The following TANC1 variants were observed in gnomAD, a reference collection of about 807,000 sequenced individuals.
TANC1 encodes the protein protein TANC1.
In TANC1, 77 loss-of-function variants were observed where a neutral mutation model predicts 149.7. The ratio of observed to expected loss-of-function variants is 0.51; its 90% CI spans 0.43 to 0.62. TANC1 has a LOEUF of 0.62. Ranked by LOEUF, TANC1 falls within the 20% of genes least tolerant of loss-of-function variation. The pLI is 0.00. For missense variants in TANC1, 1,985 were observed against 2,321.8 expected (o/e 0.85, Z 2.98); for synonymous variants, 854 against 925.0 (o/e 0.92, Z 1.39).
At chr2:158,989,941 A>C (rs975553253) in intron 1 of TANC1, among the ~76,000 whole-genome samples, 1 of 148,194 alleles carries the variant, frequency 6.7e-6, no homozygotes, top group African/African-American at 2.5e-5. Flanking sequence ...TTGGAGACGG[A>C]TTCTCGCACT....
chr2:159,224,539 G>A (rs941226168), intron 23 of TANC1, 175 bp downstream of exon 23: 14 of 721,518 alleles, frequency 1.9e-5, no homozygotes, highest in Non-Finnish European at 3.1e-5. Context: ...AGTAGCTCAC[G>A]GTGTTTCTGC....
At chr2:159,022,337 G>C in intron 2 of TANC1, among the ~76,000 whole-genome samples, 1 of 152,222 alleles carries the variant, frequency 6.6e-6, no homozygotes, top group Non-Finnish European at 1.5e-5. Context: ...CAGCGTGTAT[G>C]CACCTTTTTC....
chr2:159,218,311 C>A (rs2150922010), intron 20 of TANC1, among the ~76,000 whole-genome samples: 1 of 152,320 alleles, frequency 6.6e-6, no homozygotes, highest in Admixed American at 6.5e-5. Flanking sequence ...TGCTGGCTCC[C>A]TTGGTAGGAG....
intron 2 of TANC1, among the ~76,000 whole-genome samples, chr2:159,027,518 C>G (rs1025180392): frequency 6.6e-6 from 1 of 152,200 alleles, no homozygotes; most frequent in Admixed American, 6.5e-5. Context: ...TGGCCACCAC[C>G]ACTTAAGCAA....
chr2:159,011,159 A>G (rs2037715502), intron 2 of TANC1, among the ~76,000 whole-genome samples: 1 of 152,212 alleles, frequency 6.6e-6, no homozygotes, highest in Admixed American at 6.5e-5. Context: ...AAGTACTACT[A>G]GTTAGTGCTT....
intron 2 of TANC1, among the ~76,000 whole-genome samples, chr2:159,037,634 T>C (rs950656786): frequency 3.3e-5 from 5 of 152,248 alleles, no homozygotes; most frequent in Non-Finnish European, 7.3e-5. Flanking sequence ...TTCCTTGTTT[T>C]TGTCAGGTTT....
intron 2 of TANC1, among the ~76,000 whole-genome samples, chr2:159,023,514 G>T (rs1435321404): frequency 6.6e-6 from 1 of 151,654 alleles, no homozygotes; most frequent in Non-Finnish European, 1.5e-5. Flanking sequence ...GTACTTTTTT[G>T]TATTTTTGGA....
chr2:159,071,628 A>T (rs766851762), intron 3 of TANC1, among the ~76,000 whole-genome samples: 62 of 152,326 alleles, frequency 4.1e-4, no homozygotes, highest in Non-Finnish European at 6.5e-4. Context: ...ATTTTAAGCC[A>T]TTCCAGGCTG....
chr2:159,020,076 G>A (rs569498584), intron 2 of TANC1, among the ~76,000 whole-genome samples: 1 of 152,178 alleles, frequency 6.6e-6, no homozygotes, highest in East Asian at 1.9e-4. Context: ...GTTTCATTAC[G>A]GACTCCTTTG....
At chr2:159,165,663 C>G (rs1048823096) in intron 8 of TANC1, among the ~76,000 whole-genome samples, 2 of 152,222 alleles carry the variant, frequency 1.3e-5, no homozygotes, top group Non-Finnish European at 2.9e-5. Flanking sequence ...AACAGGGCAG[C>G]AGAGAACACT....
intron 4 of TANC1, among the ~76,000 whole-genome samples, chr2:159,116,285 G>T (rs1428866883): frequency 6.6e-6 from 1 of 152,014 alleles, no homozygotes; most frequent in Non-Finnish European, 1.5e-5. Flanking sequence ...AAATTAGCTG[G>T]GTGTGGTGGC....
chr2:159,139,897 G>T (rs755970805), intron 5 of TANC1, among the ~76,000 whole-genome samples: 11 of 152,170 alleles, frequency 7.2e-5, no homozygotes, highest in Non-Finnish European at 1.5e-4. Context: ...CATTTTAGAT[G>T]GTCAGACAGG....
At chr2:159,169,217 T>C in intron 8 of TANC1, 33 bp from the exon 9 acceptor site, 1 of 1,595,328 alleles carries the variant, frequency 6.3e-7, no homozygotes, top group Non-Finnish European at 8.6e-7. Context: ...AAAGTCACCT[T>C]TGAAGATACT....
intron 2 of TANC1, among the ~76,000 whole-genome samples, chr2:159,054,004 A>G (rs2041662957): frequency 6.6e-6 from 1 of 152,064 alleles, no homozygotes; most frequent in South Asian, 2.1e-4. Context: ...TTCAGGATAG[A>G]TTTGCAGCAT....
At chr2:159,106,763 G>C (rs1224701206) in intron 4 of TANC1, among the ~76,000 whole-genome samples, 1 of 152,160 alleles carries the variant, frequency 6.6e-6, no homozygotes, top group African/African-American at 2.4e-5. Flanking sequence ...TTAAGTGGCT[G>C]TACTATTTTA....
intron 11 of TANC1, 75 bp downstream of exon 11, chr2:159,172,347 A>AC (rs757023534): frequency 3.5e-6 from 5 of 1,431,748 alleles, no homozygotes; most frequent in Non-Finnish European, 4.8e-6. Flanking sequence ...GTAGATTGGA[A>AC]AAGGGAGCTT....
intron 11 of TANC1, 129 bp from the exon 12 acceptor site, chr2:159,174,824 C>A: frequency 1.3e-6 from 1 of 747,200 alleles, no homozygotes; most frequent in Non-Finnish European, 2.3e-6. Flanking sequence ...AACAAATGAC[C>A]CAGTCTTGGG....
chr2:159,113,721 A>G (rs1210016509), intron 4 of TANC1, among the ~76,000 whole-genome samples: 1 of 152,208 alleles, frequency 6.6e-6, no homozygotes, highest in Non-Finnish European at 1.5e-5. Context: ...ATTGCTTGCC[A>G]GGCACAGCAG....
chr2:159,150,193 C>T (rs2052623232), intron 6 of TANC1, 177 bp from the exon 7 acceptor site: 6 of 552,532 alleles, frequency 1.1e-5, no homozygotes, highest in Non-Finnish European at 1.9e-5. Context: ...ACCACATATA[C>T]ATTTATATAG....
Sources: allele counts gnomAD v4.1 joint callset (sites outside exome capture counted in the v4.1 genomes callset), GRCh38; gene constraint gnomAD v4.1.1; transcripts MANE v1.5; gene names NCBI Gene and HGNC (gene_info 2026-07-23, HGNC 2026-07-21).